The following ANKRD28 variants were observed in gnomAD, a reference collection of about 807,000 sequenced individuals.
ANKRD28 encodes the protein serine/threonine-protein phosphatase 6 regulatory ankyrin repeat subunit A.
ANKRD28 carries 44 observed loss-of-function variants against 126.5 expected under a neutral mutation model. The ratio of observed to expected loss-of-function variants is 0.35; its 90% CI spans 0.27 to 0.45. ANKRD28 has a LOEUF of 0.45. Ranked by LOEUF, ANKRD28 falls within the 20% of genes least tolerant of loss-of-function variation. ANKRD28 has a pLI of 1.00. For missense variants in ANKRD28, 1,110 were observed against 1,316.6 expected (o/e 0.84, Z 2.43); for synonymous variants, 442 against 468.5 (o/e 0.94, Z 0.73).
rs114325256 is a variant in ANKRD28 at position 15,774,849 on chromosome 3, G to T, written c.202-8537C>A. On this transcript the variant is annotated intron_variant, in intron 2 of 27. Coordinates refer to ENST00000683139, the MANE Select transcript of ANKRD28 (RefSeq NM_001349278.2). ...CAAATTAATAAGAGACAACTCAAAA[G>T]AAAAGTAGGCAGGAGATTTATTTAT... Among the ~76,000 whole-genome samples, 895 of 152,302 alleles carry T rather than the reference G, an allele frequency of 5.9e-3. 6 individuals carry two copies. Among genetic ancestry groups the T allele is most frequent in the African/African-American group, 0.02 (850 of 41,566 alleles).
chr3:15,842,988 G>GTA (rs1227808065), intron 1 of ANKRD28, among the ~76,000 whole-genome samples: 5 of 152,146 alleles, frequency 3.3e-5, no homozygotes, highest in African/African-American at 4.8e-5. Flanking sequence ...TGCTTATCTG[G>GTA]TATATTAGAC....
At position 15,683,292 on chromosome 3, in the gene ANKRD28, C is replaced by T. The variant is rs530288368; in HGVS notation, c.2389+1934G>A. On this transcript the variant is annotated intron_variant, in intron 21 of 27. Coordinates refer to ENST00000683139, the MANE Select transcript of ANKRD28 (RefSeq NM_001349278.2). ...ACTCACAATTGTAGATATTTTCCCACTATATTAGATATTTTGGGTTTTCCT... is the reference window on the plus strand; with the variant it reads ...ACTCACAATTGTAGATATTTTCCCATTATATTAGATATTTTGGGTTTTCCT... Among the ~76,000 whole-genome samples the T allele has an allele frequency of 4.6e-5, 7 of 152,260 alleles. No homozygotes were observed. The South Asian group carries it at 1.5e-3, about 32-fold the overall frequency.
intron 4 of ANKRD28, among the ~76,000 whole-genome samples, chr3:15,737,707 C>T (rs2654650): frequency 0.46 from 70,296 of 151,360 alleles, 19,239 homozygotes; most frequent in Non-Finnish European, 0.6. Context: ...CTCAAGTGAT[C>T]CTCCTTCCTT....
chr3:15,826,450 A>C (rs1451463373), intron 1 of ANKRD28, among the ~76,000 whole-genome samples: 3 of 152,210 alleles, frequency 2.0e-5, no homozygotes. Context: ...AAAACATAAC[A>C]GTAATATTAT....
chr3:15,805,652 T>G (rs1451804903), intron 1 of ANKRD28, among the ~76,000 whole-genome samples: 1 of 152,164 alleles, frequency 6.6e-6, no homozygotes, highest in Admixed American at 6.5e-5. Context: ...ATTTTGCCCT[T>G]CTTAAAAAAA....
intron 6 of ANKRD28, among the ~76,000 whole-genome samples, chr3:15,734,118 C>T (rs1194757462): frequency 2.0e-5 from 3 of 152,190 alleles, no homozygotes; most frequent in African/African-American, 7.2e-5. Flanking sequence ...AACGCTCATA[C>T]ACGGAGAGCC....
intron 7 of ANKRD28, among the ~76,000 whole-genome samples, chr3:15,723,920 T>C (rs1248732746): frequency 6.6e-6 from 1 of 152,202 alleles, no homozygotes; most frequent in Non-Finnish European, 1.5e-5. Flanking sequence ...CAAACAGAAT[T>C]ATATAGTAAG....
chr3:15,793,239 G>C (rs13078999), intron 2 of ANKRD28, among the ~76,000 whole-genome samples: 1 of 152,012 alleles, frequency 6.6e-6, no homozygotes, highest in Non-Finnish European at 1.5e-5. Context: ...TTCCTTATCA[G>C]ACAAAATCAG....
chr3:15,703,928 C>T (rs2125986175), intron 14 of ANKRD28, among the ~76,000 whole-genome samples: 1 of 152,228 alleles, frequency 6.6e-6, no homozygotes, highest in South Asian at 2.1e-4. Flanking sequence ...TACATACACA[C>T]AGAGCAATAT....
intron 1 of ANKRD28, chr3:15,859,316 G>T: frequency 2.0e-6 from 3 of 1,511,686 alleles, no homozygotes; most frequent in Non-Finnish European, 2.6e-6. Context: ...CACACCGCCG[G>T]TCCGCCCTGC....
intron 4 of ANKRD28, among the ~76,000 whole-genome samples, chr3:15,746,226 C>A (rs971541573): frequency 1.3e-5 from 2 of 152,236 alleles, no homozygotes; most frequent in African/African-American, 2.4e-5. Context: ...ATGTCTCTGG[C>A]TAGGACTTCC....
intron 27 of ANKRD28, among the ~76,000 whole-genome samples, chr3:15,673,485 A>G (rs1356754134): frequency 1.3e-5 from 2 of 152,354 alleles, no homozygotes; most frequent in East Asian, 1.9e-4. Context: ...TGGAGCTTAC[A>G]TTCACTTTAG....
intron 1 of ANKRD28, among the ~76,000 whole-genome samples, chr3:15,828,114 T>C (rs1253341884): frequency 6.6e-6 from 1 of 152,270 alleles, no homozygotes; most frequent in East Asian, 1.9e-4. Flanking sequence ...GTATAAAATA[T>C]ATGGCAGAAT....
At chr3:15,844,163 G>A (rs1490686432) in intron 1 of ANKRD28, among the ~76,000 whole-genome samples, 2 of 152,124 alleles carry the variant, frequency 1.3e-5, no homozygotes, top group Non-Finnish European at 2.9e-5. Context: ...GACTGATTCT[G>A]GACTGTGAGC....
chr3:15,778,171 T>C (rs2059385307), intron 2 of ANKRD28, among the ~76,000 whole-genome samples: 1 of 152,218 alleles, frequency 6.6e-6, no homozygotes, highest in African/African-American at 2.4e-5. Flanking sequence ...ATCATATTAA[T>C]TGACTTGTTT....
intron 20 of ANKRD28, 89 bp downstream of exon 20, chr3:15,685,913 T>G: frequency 1.0e-6 from 1 of 995,520 alleles, no homozygotes; most frequent in Non-Finnish European, 1.5e-6. Context: ...GAACATTTAA[T>G]GAAGAAAAAA....
chr3:15,762,202 A>C (rs1422300318), intron 3 of ANKRD28, among the ~76,000 whole-genome samples: 3 of 31,850 alleles, frequency 9.4e-5, no homozygotes, highest in Non-Finnish European at 2.0e-4. Flanking sequence ...AAAAAAAAAA[A>C]AAAAAAAAAA....
At chr3:15,745,493 T>G (rs964599817) in intron 4 of ANKRD28, among the ~76,000 whole-genome samples, 4 of 152,162 alleles carry the variant, frequency 2.6e-5, no homozygotes, top group Non-Finnish European at 5.9e-5. Context: ...CTGTTTTTGT[T>G]TGCTTTGTCA....
intron 18 of ANKRD28, among the ~76,000 whole-genome samples, chr3:15,689,103 T>G (rs2068486624): frequency 1.3e-5 from 2 of 152,216 alleles, no homozygotes. Flanking sequence ...AATACAATCA[T>G]TTTACCACTT....
Sources: allele counts gnomAD v4.1 joint callset (sites outside exome capture counted in the v4.1 genomes callset), GRCh38; gene constraint gnomAD v4.1.1; transcripts MANE v1.5; gene names NCBI Gene and HGNC (gene_info 2026-07-23, HGNC 2026-07-21).